ZC3HC1: variants seen among roughly 807,000 people sequenced by gnomAD.
The protein encoded by ZC3HC1 is zinc finger C3HC-type containing 1.
Under a neutral mutation model 61.9 loss-of-function variants are expected in ZC3HC1, and 38 were observed. The ratio of observed to expected loss-of-function variants is 0.61; its 90% CI spans 0.47 to 0.81. The LOEUF is 0.81. ZC3HC1 is among the 30% of genes least tolerant of loss of function. The probability of loss-of-function intolerance (pLI) is 0.00; values close to 1 mark genes in which losing one functional copy is unlikely to be tolerated. For synonymous variants in ZC3HC1, 213 were observed against 229.9 expected, an observed-to-expected ratio of 0.93 and a Z score of 0.67; for missense variants, 554 against 622.7, an observed-to-expected ratio of 0.89 and a Z score of 1.17.
In ZC3HC1 at chr7:130,030,219, GAC is replaced by G. The variant is rs1354214265; in HGVS notation, c.494-1192_494-1191del. ...CCTTTTTTTTTTTTTTTTTTTCCGA[GAC>G]AGAGTTTTTGCTCTGTCGCCCAGGC... On this transcript the variant is annotated intron_variant, in intron 4 of 9. Transcript: ENST00000358303. 7.0e-5 allele frequency among the ~76,000 whole-genome samples: 9 copies of G among 129,328 alleles called. No individual in the cohort carries two copies. In the East Asian group the frequency reaches 2.0e-3, roughly 29 times the overall value. The allele number at this position is 129,328 out of a possible 152,430, so 84.8% of individuals were successfully genotyped here.
chr7:130,045,154 T>C (rs550638443), intron 2 of ZC3HC1, among the ~76,000 whole-genome samples: 2 of 152,218 alleles, frequency 1.3e-5, no homozygotes, highest in Non-Finnish European at 2.9e-5. Flanking sequence ...TCTGGTTATG[T>C]AGGACAAAGT....
chr7:130,035,001 G>C (rs1346053350), intron 4 of ZC3HC1, among the ~76,000 whole-genome samples: 1 of 152,058 alleles, frequency 6.6e-6, no homozygotes, highest in Non-Finnish European at 1.5e-5. Context: ...TCCCCACAGG[G>C]ACACTGTGAG....
chr7:130,022,778 C>T (rs796555228), intron 8 of ZC3HC1, among the ~76,000 whole-genome samples: 161 of 152,198 alleles, frequency 1.1e-3, no homozygotes, highest in African/African-American at 3.6e-3. Flanking sequence ...GGTACCAGGT[C>T]GCACAGTAGG....
rs1182596159 is a variant in ZC3HC1 at position 130,018,363 on chromosome 7, C to T, written c.*301G>A. The stretch of plus-strand genomic sequence containing the variant: ...GAAGAGTCCTCAGAACACTGCTCCA[C>T]ATTGAAGATGCTGAAATGGGTGGTC... On this transcript the variant is annotated 3_prime_UTR_variant, in exon 10 of 10. Coordinates refer to ENST00000358303, the MANE Select transcript of ZC3HC1 (RefSeq NM_016478.5). 2 of 315,686 alleles carry T rather than the reference C, an allele frequency of 6.3e-6. No individual in the cohort carries two copies. Among genetic ancestry groups the T allele is most frequent in the African/African-American group, 4.2e-5 (2 of 48,176 alleles). 19.6% of individuals were successfully genotyped at this position (315,686 alleles called of 1,614,324 possible).
Position 130,045,497 on chromosome 7 carries a change from G to A in ZC3HC1, c.258+3536C>T, listed in dbSNP as rs139540234. The A allele has an allele frequency of 1.4e-4, 63 of 457,420 alleles. No homozygotes were observed. In the Middle Eastern group the frequency reaches 3.3e-3, roughly 24 times the overall value. 28.3% of individuals were successfully genotyped at this position (457,420 alleles called of 1,614,324 possible). Reference sequence around the variant, plus strand: ...TTCACAACCTCTATGGTCTATAGGAGACAAAATGACAGCCCAGAGAAGAAT... The same window carrying A: ...TTCACAACCTCTATGGTCTATAGGAAACAAAATGACAGCCCAGAGAAGAAT... On this transcript the variant is annotated intron_variant, in intron 2 of 9. Transcript: ENST00000358303.
chr7:130,024,455 CAT>C lies in ZC3HC1; in HGVS notation c.826_827del (p.Met276GlufsTer12), dbSNP rs752382389. The C allele has an allele frequency of 1.7e-5, 28 of 1,614,024 alleles. No homozygotes were observed. Among genetic ancestry groups the C allele is most frequent in the Non-Finnish European group, 2.3e-5 (27 of 1,180,012 alleles). On this transcript the variant is annotated frameshift_variant, in exon 7 of 10. Coordinates refer to ENST00000358303, the MANE Select transcript of ZC3HC1 (RefSeq NM_016478.5). LOFTEE classifies it high-confidence loss of function. ...QLSLITCSQC[M>X]RKVGLWGFQQ... Reference sequence around the variant, plus strand: ...GGAAGCCCCAGAGCCCCACCTTCCTCATACATTGCGAACATGTTATCAGGGAG... The same window carrying C: ...GGAAGCCCCAGAGCCCCACCTTCCTCACATTGCGAACATGTTATCAGGGAG...
intron 3 of ZC3HC1, among the ~76,000 whole-genome samples, chr7:130,040,213 G>T (rs1371968144): frequency 9.9e-6 from 1 of 100,818 alleles, no homozygotes; most frequent in Non-Finnish European, 2.0e-5. Flanking sequence ...AAAAAAAAAA[G>T]GCCGGGCACG....
intron 4 of ZC3HC1, among the ~76,000 whole-genome samples, chr7:130,035,176 G>A (rs898419545): frequency 2.6e-5 from 4 of 152,026 alleles, no homozygotes; most frequent in Non-Finnish European, 5.9e-5. Context: ...GATCATTTGA[G>A]GTCAGCAGTT....
intron 1 of ZC3HC1, among the ~76,000 whole-genome samples, chr7:130,049,586 C>T (rs1227046963): frequency 6.6e-6 from 1 of 151,750 alleles, no homozygotes; most frequent in African/African-American, 2.4e-5. Flanking sequence ...GCTCTGTTGC[C>T]CAGGCTGGAG....
intron 9 of ZC3HC1, among the ~76,000 whole-genome samples, chr7:130,021,284 G>A (rs528756818): frequency 2.0e-5 from 3 of 152,322 alleles, no homozygotes; most frequent in East Asian, 3.9e-4. Flanking sequence ...GAATCTAGGA[G>A]TGCTGCTCAT....
At chr7:130,049,183 A>G in intron 1 of ZC3HC1, 39 bp from the exon 2 acceptor site, 1 of 1,475,296 alleles carries the variant, frequency 6.8e-7, no homozygotes, top group Non-Finnish European at 9.2e-7. Context: ...AACCTTTCAC[A>G]GTACCCTCTG....
intron 6 of ZC3HC1, among the ~76,000 whole-genome samples, chr7:130,025,424 A>C (rs965956069): frequency 1.2e-4 from 18 of 151,782 alleles, no homozygotes; most frequent in Non-Finnish European, 1.9e-4. Context: ...AGAAGACTCC[A>C]GCTGGTGTTT....
chr7:130,032,040 A>C (rs1196858489), intron 4 of ZC3HC1, among the ~76,000 whole-genome samples: 1 of 152,148 alleles, frequency 6.6e-6, no homozygotes, highest in Non-Finnish European at 1.5e-5. Flanking sequence ...CCTGGCCAAC[A>C]TGGTGAAACA....
chr7:130,048,870 C>T (rs1794966140), intron 2 of ZC3HC1, 163 bp downstream of exon 2: 1 of 454,940 alleles, frequency 2.2e-6, no homozygotes, highest in Non-Finnish European at 3.7e-6. Context: ...ATAACCTCAA[C>T]TGTCCCTCTG....
At position 130,039,462 on chromosome 7, in the gene ZC3HC1, A is replaced by G; in HGVS notation, c.493+2T>C. ...TGAACAGGAATTCTCAAAAATAAGT[A>G]CCTGGGGATGGGCTGTCTGGCCAGA... is the stretch of plus-strand genomic sequence containing the variant. On this transcript the variant is annotated splice_donor_variant, in intron 4 of 9. Transcript: ENST00000358303. LOFTEE classifies it high-confidence loss of function. 2 of 1,609,298 alleles carry G rather than the reference A, an allele frequency of 1.2e-6. No individual in the cohort carries two copies. The highest frequency in any genetic ancestry group is 8.5e-7 in the Non-Finnish European group (1 of 1,178,296).
At chr7:130,041,224 G>T (rs1316043049) in intron 2 of ZC3HC1, 123 bp from the exon 3 acceptor site, 6 of 1,142,784 alleles carry the variant, frequency 5.3e-6, no homozygotes, top group Non-Finnish European at 7.1e-6. Context: ...TTCTCACTCT[G>T]TCTCCCAGGC....
chr7:130,039,673 G>A, intron 3 of ZC3HC1, 126 bp from the exon 4 acceptor site: 2 of 633,580 alleles, frequency 3.2e-6, no homozygotes, highest in Middle Eastern at 4.2e-4. Flanking sequence ...ATATTATCAA[G>A]TACATAATCT....
intron 2 of ZC3HC1, among the ~76,000 whole-genome samples, chr7:130,048,378 C>A (rs1227168911): frequency 1.3e-5 from 2 of 151,808 alleles, no homozygotes; most frequent in Admixed American, 1.3e-4. Flanking sequence ...CCTAGTTGAG[C>A]CTTGAAATGA....
rs190666968 is a variant in ZC3HC1 at position 130,037,276 on chromosome 7, T to C, written c.493+2188A>G. Among the ~76,000 whole-genome samples, 4 of 152,240 alleles carry C rather than the reference T, an allele frequency of 2.6e-5. No individual in the cohort carries two copies. In the East Asian group the frequency reaches 7.7e-4, roughly 29 times the overall value. Reference sequence around the variant, plus strand: ...CTGGCCAACATGGTGAAACCCTGTCTCTACTAAAAATACAAAAATTAGCTG... The same window carrying C: ...CTGGCCAACATGGTGAAACCCTGTCCCTACTAAAAATACAAAAATTAGCTG... On this transcript the variant is annotated intron_variant, in intron 4 of 9. Transcript: ENST00000358303.
Sources: allele counts gnomAD v4.1 joint callset (sites outside exome capture counted in the v4.1 genomes callset), GRCh38; gene constraint gnomAD v4.1.1; transcripts MANE v1.5; gene names NCBI Gene and HGNC (gene_info 2026-07-23, HGNC 2026-07-21).